Variants in PARD3 observed in about 807,000 individuals in gnomAD.
PARD3 encodes par-3 family cell polarity regulator.
PARD3 carries 75 observed loss-of-function variants against 155.4 expected under a neutral mutation model. The observed-to-expected ratio is 0.48, with a 90% CI of 0.40 to 0.58. The LOEUF is 0.58. Ranked by LOEUF, PARD3 falls within the 20% of genes least tolerant of loss-of-function variation. PARD3 has a pLI of 0.00. For synonymous variants in PARD3, 576 were observed against 610.5 expected (o/e 0.94, Z 0.83); for missense variants, 1,642 against 1,721.7 (o/e 0.95, Z 0.82).
chr10:34,386,026 T>G (rs995287551), intron 7 of PARD3, among the ~76,000 whole-genome samples: 2 of 152,202 alleles, frequency 1.3e-5, no homozygotes, highest in Non-Finnish European at 2.9e-5. Flanking sequence ...CTGAAATAAA[T>G]TAAACTCAGA....
chr10:34,665,126 T>C (rs1270034853), intron 2 of PARD3, among the ~76,000 whole-genome samples: 8 of 152,266 alleles, frequency 5.3e-5, no homozygotes, highest in South Asian at 2.1e-4. Context: ...TAACTTTTCA[T>C]GCCTAATACA....
chr10:34,367,961 T>TGGC (rs1464225312), intron 12 of PARD3, among the ~76,000 whole-genome samples: 1 of 151,938 alleles, frequency 6.6e-6, no homozygotes, highest in Non-Finnish European at 1.5e-5. Flanking sequence ...TTCTTGAAAG[T>TGGC]TAAGCATGTG....
At chr10:34,346,307 T>C (rs1201277051) in intron 15 of PARD3, 2 of 1,253,900 alleles carry the variant, frequency 1.6e-6, no homozygotes, top group African/African-American at 1.6e-5. Context: ...AAAAGGTCAC[T>C]AGCTGAATTT....
At chr10:34,607,027 G>A (rs917891291) in intron 2 of PARD3, among the ~76,000 whole-genome samples, 3 of 150,744 alleles carry the variant, frequency 2.0e-5, no homozygotes, top group Non-Finnish European at 4.4e-5. Context: ...GTAAGTAGCT[G>A]TCCAGATTTG....
At chr10:34,629,883 T>G (rs1406113033) in intron 2 of PARD3, among the ~76,000 whole-genome samples, 1 of 152,200 alleles carries the variant, frequency 6.6e-6, no homozygotes. Context: ...ATATTACAGA[T>G]AGAATATGCA....
chr10:34,211,498 G>T (rs1951747778), intron 22 of PARD3, among the ~76,000 whole-genome samples: 1 of 152,174 alleles, frequency 6.6e-6, no homozygotes, highest in Non-Finnish European at 1.5e-5. Flanking sequence ...TTAGAAAATG[G>T]AGGCCGGGAG....
At chr10:34,633,590 A>T (rs990847992) in intron 2 of PARD3, among the ~76,000 whole-genome samples, 1 of 152,238 alleles carries the variant, frequency 6.6e-6, no homozygotes, top group Admixed American at 6.5e-5. Flanking sequence ...CGTCCAACGT[A>T]GGCTGGTGCC....
At position 34,673,274 on chromosome 10, in the gene PARD3, C is replaced by T. The variant is rs757315429; in HGVS notation, c.222+23044G>A. Among the ~76,000 whole-genome samples, 4 of 152,116 alleles carry T rather than the reference C, an allele frequency of 2.6e-5. No individual in the cohort carries two copies. The East Asian group carries it at 7.7e-4, about 29-fold the overall frequency. On this transcript the variant is annotated intron_variant, in intron 2 of 24. Coordinates refer to ENST00000374788, the MANE Select transcript of PARD3 (RefSeq NM_001184785.2). ...ATGATTTTGGGAGAAAGCTTATTTG[C>T]CACAGATTAAACTAAAGATAGCAAA...
intron 2 of PARD3, among the ~76,000 whole-genome samples, chr10:34,584,170 T>C (rs1257351981): frequency 1.3e-5 from 2 of 152,196 alleles, no homozygotes; most frequent in East Asian, 3.9e-4. Flanking sequence ...TGAGACTCTT[T>C]AACAAAAGGG....
chr10:34,118,861 T>C (rs1403437523), intron 24 of PARD3, among the ~76,000 whole-genome samples: 1 of 152,014 alleles, frequency 6.6e-6, no homozygotes, highest in East Asian at 1.9e-4. Context: ...ACTACAGGAG[T>C]CACCTGTTTT....
chr10:34,674,573 G>T (rs551602527), intron 2 of PARD3, among the ~76,000 whole-genome samples: 1 of 140,942 alleles, frequency 7.1e-6, no homozygotes, highest in Non-Finnish European at 1.5e-5. Flanking sequence ...TGCAACCTCC[G>T]TCTCCCGGGT....
At chr10:34,656,446 G>T (rs1468496926) in intron 2 of PARD3, among the ~76,000 whole-genome samples, 2 of 152,168 alleles carry the variant, frequency 1.3e-5, no homozygotes, top group Non-Finnish European at 2.9e-5. Context: ...CATATGAAAG[G>T]AGAGTGACGT....
At chr10:34,616,949 A>T (rs2132672617) in intron 2 of PARD3, among the ~76,000 whole-genome samples, 2 of 150,832 alleles carry the variant, frequency 1.3e-5, no homozygotes, top group East Asian at 3.9e-4. Context: ...AAAAAAAAAA[A>T]TAACTAAATT....
intron 15 of PARD3, chr10:34,345,255 C>T (rs1472753768): frequency 1.0e-6 from 1 of 985,204 alleles, no homozygotes; most frequent in Non-Finnish European, 1.2e-6. Flanking sequence ...ACTCTAAAGG[C>T]TCTTCCTTTT....
intron 1 of PARD3, among the ~76,000 whole-genome samples, chr10:34,768,349 C>T (rs1013982073): frequency 6.6e-6 from 1 of 152,006 alleles, no homozygotes; most frequent in Non-Finnish European, 1.5e-5. Flanking sequence ...TCTGGAAAGG[C>T]GGGATAACTC....
intron 12 of PARD3, among the ~76,000 whole-genome samples, chr10:34,364,559 T>G (rs1839782376): frequency 6.6e-6 from 1 of 152,040 alleles, no homozygotes; most frequent in Non-Finnish European, 1.5e-5. Flanking sequence ...GCCTCCCAAG[T>G]AGCTAGCTGG....
At chr10:34,276,450 C>T (rs1955884344) in intron 21 of PARD3, among the ~76,000 whole-genome samples, 1 of 150,826 alleles carries the variant, frequency 6.6e-6, no homozygotes, top group Non-Finnish European at 1.5e-5. Flanking sequence ...CAGTGTTCAC[C>T]ACCTTTTCTC....
chr10:34,412,435 C>T (rs891170361), intron 5 of PARD3, among the ~76,000 whole-genome samples: 1 of 152,206 alleles, frequency 6.6e-6, no homozygotes, highest in Non-Finnish European at 1.5e-5. Flanking sequence ...ACCTCCCATT[C>T]CACCTTCCTT....
At chr10:34,463,436 A>G (rs2077809947) in intron 4 of PARD3, among the ~76,000 whole-genome samples, 1 of 152,050 alleles carries the variant, frequency 6.6e-6, no homozygotes, top group Non-Finnish European at 1.5e-5. Flanking sequence ...GAATGAAGGA[A>G]CACACAGAAA....
Sources: gnomAD v4.1 joint callset for allele counts (sites outside exome capture counted in the v4.1 genomes callset) on GRCh38, gnomAD v4.1.1 for gene constraint, MANE v1.5 for transcripts, NCBI Gene and HGNC (gene_info 2026-07-23, HGNC 2026-07-21) for gene names.